Variants in ZNF469 observed in about 807,000 individuals in gnomAD.
The protein encoded by ZNF469 is zinc finger protein 469.
A neutral mutation model predicts 1.0 loss-of-function variants in ZNF469; 1 was observed. The observed-to-expected ratio is 1.00, with a 90% CI of 0.35 to 4.73. The LOEUF is 4.73. Among genes scored for constraint, ZNF469 ranks in the 30% most tolerant of loss-of-function variants. The pLI is 0.16. For synonymous variants in ZNF469, 2,703 were observed against 2,363.4 expected (o/e 1.14, Z -4.17); for missense variants, 6,100 against 5,356.3 (o/e 1.14, Z -4.33).
chr16:88,302,666 G>A, the ZNF469 span, among the ~76,000 whole-genome samples: 1 of 152,196 alleles, frequency 6.6e-6, no homozygotes, highest in African/African-American at 2.4e-5. Context: ...CAGACGTTGG[G>A]AGGAAGGACC....
In ZNF469 at chr16:88,398,460, G is replaced by A. The variant is rs115465142; in HGVS notation, c.-192+15206G>A. 6.1e-3 allele frequency among the ~76,000 whole-genome samples: 918 copies of A among 151,470 alleles called. 12 individuals carry two copies. Among genetic ancestry groups the A allele is most frequent in the African/African-American group, 0.021 (875 of 41,132 alleles). ...AAGGGACATGTGAGACATGGTTAAA[G>A]GGGGACCCGTGAGCCACGGATGAAG... is the stretch of plus-strand genomic sequence containing the variant. On this transcript the variant is annotated intron_variant, in intron 1 of 2. Transcript: ENST00000565624.
the ZNF469 span, among the ~76,000 whole-genome samples, chr16:88,224,505 G>A: frequency 6.6e-6 from 1 of 152,222 alleles, no homozygotes; most frequent in Non-Finnish European, 1.5e-5. Context: ...GAATGTGGAC[G>A]GGGTTGGGGG....
the ZNF469 span, among the ~76,000 whole-genome samples, chr16:88,326,422 A>G: frequency 1.8e-3 from 269 of 152,224 alleles, 2 homozygotes; most frequent in African/African-American, 6.2e-3. Flanking sequence ...AAGTTGCCCA[A>G]TCTCAGGTAT....
intron 1 of ZNF469, among the ~76,000 whole-genome samples, chr16:88,420,481 G>A (rs562312050): frequency 6.6e-6 from 1 of 152,346 alleles, no homozygotes; most frequent in African/African-American, 2.4e-5. Flanking sequence ...GAGGCCAGGA[G>A]GCCCAATTGG....
chr16:88,196,283 C>G, the ZNF469 span, among the ~76,000 whole-genome samples: 1 of 152,164 alleles, frequency 6.6e-6, no homozygotes, highest in Non-Finnish European at 1.5e-5. Flanking sequence ...GCAGCCTGTG[C>G]CAAGGAGAGA....
the ZNF469 span, among the ~76,000 whole-genome samples, chr16:88,187,461 C>T: frequency 6.6e-6 from 1 of 152,248 alleles, no homozygotes. Context: ...CACAGGCCCT[C>T]TGTAATCAGA....
the ZNF469 span, among the ~76,000 whole-genome samples, chr16:88,347,057 T>C: frequency 2.0e-5 from 3 of 152,014 alleles, no homozygotes; most frequent in Admixed American, 1.3e-4. Context: ...AGCAGAAATG[T>C]GGTAATGTGT....
the ZNF469 span, among the ~76,000 whole-genome samples, chr16:88,264,756 G>A: frequency 2.6e-5 from 4 of 152,066 alleles, no homozygotes; most frequent in East Asian, 1.9e-4. Flanking sequence ...AGTCCTGCTC[G>A]TCCCACACCT....
chr16:88,340,986 T>C, the ZNF469 span, among the ~76,000 whole-genome samples: 5 of 152,170 alleles, frequency 3.3e-5, no homozygotes, highest in African/African-American at 1.2e-4. Context: ...GGCAAAGCGG[T>C]CCAGGCTGGC....
At chr16:88,241,680 G>A in the ZNF469 span, among the ~76,000 whole-genome samples, 1 of 152,180 alleles carries the variant, frequency 6.6e-6, no homozygotes, top group African/African-American at 2.4e-5. This position sits in a 1 kb window ranked among gnomAD's most constrained non-coding sequence, Gnocchi z 4.8. Context: ...TCATCACCTT[G>A]TACCCCTGGG....
At chr16:88,273,074 T>C in the ZNF469 span, among the ~76,000 whole-genome samples, 1 of 151,696 alleles carries the variant, frequency 6.6e-6, no homozygotes, top group African/African-American at 2.4e-5. Context: ...GAACGGTGGA[T>C]AAATGGGTGG....
chr16:88,365,395 C>T, the ZNF469 span, among the ~76,000 whole-genome samples: 1 of 152,214 alleles, frequency 6.6e-6, no homozygotes, highest in Non-Finnish European at 1.5e-5. Flanking sequence ...CTGGGATGGA[C>T]ATGGGACCCA....
At chr16:88,119,985 C>T in the ZNF469 span, among the ~76,000 whole-genome samples, 1 of 152,202 alleles carries the variant, frequency 6.6e-6, no homozygotes, top group Non-Finnish European at 1.5e-5. Context: ...GCCGTGCGTG[C>T]TGTGAGGGGA....
chr16:88,145,423 C>T, the ZNF469 span, among the ~76,000 whole-genome samples: 1 of 152,236 alleles, frequency 6.6e-6, no homozygotes, highest in Non-Finnish European at 1.5e-5. Context: ...CTCAAACTCA[C>T]GCATTGGAAT....
Position 88,431,700 on chromosome 16 carries a change from C to T in ZNF469, c.4230C>T (p.Ala1410=), listed in dbSNP as rs1386171604. ...CCTCAGCCAGGGATGCCCCGCCGGCCAGCAGCTCCTGCCTTTGCCAGGACG... is the reference window on the plus strand; with the variant it reads ...CCTCAGCCAGGGATGCCCCGCCGGCTAGCAGCTCCTGCCTTTGCCAGGACG... ...PKPSARDAPP[A]SSSCLCQDGE... The change falls in exon 3 of 3, where the codon GCC becomes GCT. Residue 1410 remains alanine (A), a synonymous_variant. Transcript: ENST00000565624. 1.3e-6 allele frequency: 2 copies of T among 1,550,440 alleles called. No individual in the cohort carries two copies. The highest frequency in any genetic ancestry group is 1.7e-6 in the Non-Finnish European group (2 of 1,146,992).
the ZNF469 span, among the ~76,000 whole-genome samples, chr16:88,261,525 C>T: frequency 6.6e-6 from 1 of 152,328 alleles, no homozygotes; most frequent in Non-Finnish European, 1.5e-5. The surrounding 1 kb of genome is among the most constrained non-coding windows in gnomAD (Gnocchi z 6.0). Context: ...CCACAGGACC[C>T]GAAGTCCTGA....
the ZNF469 span, among the ~76,000 whole-genome samples, chr16:88,373,994 T>C: frequency 6.7e-6 from 1 of 150,006 alleles, no homozygotes; most frequent in Admixed American, 6.6e-5. Context: ...AGTGAGACTT[T>C]GTCTAAAATT....
chr16:88,407,163 T>C (rs1375934869), intron 1 of ZNF469, among the ~76,000 whole-genome samples: 1 of 104,976 alleles, frequency 9.5e-6, no homozygotes, highest in Non-Finnish European at 2.1e-5. Context: ...CAGCTGTCCC[T>C]GAGTGGGCGG....
At chr16:88,158,339 C>T in the ZNF469 span, among the ~76,000 whole-genome samples, 2 of 151,910 alleles carry the variant, frequency 1.3e-5, no homozygotes, top group Non-Finnish European at 2.9e-5. Context: ...GGTGGGGGCA[C>T]GGGAAGCCCC....
Sources: gnomAD v4.1 joint callset for allele counts (sites outside exome capture counted in the v4.1 genomes callset) on GRCh38, gnomAD v4.1.1 for gene constraint, Gnocchi (gnomAD v3.1) non-coding constraint, MANE v1.5 for transcripts, NCBI Gene and HGNC (gene_info 2026-07-23, HGNC 2026-07-21) for gene names.